The following STK32B variants were observed in gnomAD, a reference collection of about 807,000 sequenced individuals.
STK32B encodes the protein serine/threonine-protein kinase 32B.
STK32B carries 43 observed loss-of-function variants against 52.6 expected under a neutral mutation model. That is an observed-to-expected ratio of 0.82 (90% CI 0.64 to 1.05). The LOEUF (loss-of-function observed/expected upper bound fraction) is 1.05. STK32B is among the 50% of genes least tolerant of loss of function. The probability of loss-of-function intolerance (pLI) is 0.00; values close to 1 mark genes in which losing one functional copy is unlikely to be tolerated. For synonymous variants in STK32B, 238 were observed against 204.3 expected (o/e 1.17, Z -1.41); for missense variants, 621 against 534.6 (o/e 1.16, Z -1.59).
In STK32B at chr4:5,362,412, C is replaced by G. The variant is rs192184208; in HGVS notation, c.434+31019C>G. Among the ~76,000 whole-genome samples, 8 of 152,334 alleles carry G rather than the reference C, an allele frequency of 5.3e-5. No homozygotes were observed. The East Asian group carries it at 1.5e-3, about 29-fold the overall frequency. Reference sequence around the variant, plus strand: ...CCTCTCTGCCTCAATGCATCACCATCTCTCATTTGGGCTAATTGATGCGCC... The same window carrying G: ...CCTCTCTGCCTCAATGCATCACCATGTCTCATTTGGGCTAATTGATGCGCC... On this transcript the variant is annotated intron_variant, in intron 4 of 11. Transcript: ENST00000282908.
chr4:5,063,568 C>G (rs1473944938), intron 1 of STK32B, among the ~76,000 whole-genome samples: 1 of 152,124 alleles, frequency 6.6e-6, no homozygotes, highest in Non-Finnish European at 1.5e-5. Flanking sequence ...GTCTTGAACT[C>G]CTGACCTCAA....
chr4:5,441,019 G>A (rs1714688062), intron 6 of STK32B, among the ~76,000 whole-genome samples: 1 of 149,976 alleles, frequency 6.7e-6, no homozygotes, highest in Non-Finnish European at 1.5e-5. Flanking sequence ...GTATTTTATT[G>A]AGGATTTTTG....
chr4:5,239,761 AT>A lies in STK32B; in HGVS notation c.260+71323del, dbSNP rs200618799. On this transcript the variant is annotated intron_variant, in intron 3 of 11. Transcript: ENST00000282908. ...ATGGTTATACTAAATAAGAGTCAGA[AT>A]TTTTTTTTTTTCTGGAATGAATGAC... Among the ~76,000 whole-genome samples, 239 of 147,780 alleles carry A rather than the reference AT, an allele frequency of 1.6e-3. 1 individual carries two copies. Among genetic ancestry groups the A allele is most frequent in the Middle Eastern group, 0.01 (3 of 286 alleles).
rs543177700 is a variant in STK32B, at chr4:5,119,528, A to G, written c.53-20377A>G. Among the ~76,000 whole-genome samples, 5 of 152,342 alleles carry G rather than the reference A, an allele frequency of 3.3e-5. No individual in the cohort carries two copies. In the South Asian group the frequency reaches 1.0e-3, roughly 32 times the overall value. Reference sequence around the variant, plus strand: ...GAGAATTCCAGAAAGCTTTCATGTCATATTTTTTTCCTCTCAAATATTGTC... The same window carrying G: ...GAGAATTCCAGAAAGCTTTCATGTCGTATTTTTTTCCTCTCAAATATTGTC... On this transcript the variant is annotated intron_variant, in intron 1 of 11. Coordinates refer to ENST00000282908, the MANE Select transcript of STK32B (RefSeq NM_018401.3).
intron 3 of STK32B, among the ~76,000 whole-genome samples, chr4:5,206,219 T>C (rs1044046274): frequency 6.6e-6 from 1 of 152,202 alleles, no homozygotes; most frequent in Non-Finnish European, 1.5e-5. Context: ...TAGAAGCTAA[T>C]GAAAGTGATG....
intron 3 of STK32B, among the ~76,000 whole-genome samples, chr4:5,231,853 G>A (rs138315002): frequency 5.3e-5 from 8 of 152,222 alleles, no homozygotes; most frequent in Non-Finnish European, 7.4e-5. Flanking sequence ...GGACCACAGC[G>A]GGTATTTTTT....
intron 3 of STK32B, among the ~76,000 whole-genome samples, chr4:5,327,523 G>A (rs1458189494): frequency 6.6e-6 from 1 of 151,846 alleles, no homozygotes; most frequent in Non-Finnish European, 1.5e-5. Context: ...CTCCATCTGA[G>A]CTCTTGGGTG....
At chr4:5,085,934 C>T (rs554854924) in intron 1 of STK32B, among the ~76,000 whole-genome samples, 10 of 152,232 alleles carry the variant, frequency 6.6e-5, no homozygotes, top group Non-Finnish European at 1.0e-4. Context: ...GTTGGCTTTC[C>T]GGAAGAAGAC....
intron 3 of STK32B, among the ~76,000 whole-genome samples, chr4:5,200,457 CAGGG>C (rs1359042605): frequency 3.9e-5 from 6 of 152,110 alleles, no homozygotes; most frequent in Non-Finnish European, 8.8e-5. Flanking sequence ...TGTTGTTTGC[CAGGG>C]AGTCGTGGCT....
rs1337482797 is a variant in STK32B at position 5,317,399 on chromosome 4, T to TAC, written c.261-13820_261-13819insCA. 1.1e-4 allele frequency among the ~76,000 whole-genome samples: 9 copies of TAC among 85,220 alleles called. 2 individuals carry two copies. The highest frequency in any genetic ancestry group is 7.1e-4 in the African/African-American group (9 of 12,648). The allele number at this position is 85,220 out of a possible 152,430, so 55.9% of individuals were successfully genotyped here. A position where few individuals can be genotyped will look rare whatever the true frequency, so the allele number is the denominator to read the frequency against. ...ATATATATTACATATATATAATATA[T>TAC]ATAATGTATATGTATTATATATAAT... is the stretch of plus-strand genomic sequence containing the variant. On this transcript the variant is annotated intron_variant, in intron 3 of 11. Transcript: ENST00000282908.
rs74502303 is a variant in STK32B, at chr4:5,422,768, G to A, written c.562+5834G>A. On this transcript the variant is annotated intron_variant, in intron 6 of 11. Transcript: ENST00000282908. ...TACACAGGGCACAGTCAAGGAGGAC[G>A]ATGGTGTGGCTATTGGAAGGAGGTG... is the stretch of plus-strand genomic sequence containing the variant. 6.8e-4 allele frequency among the ~76,000 whole-genome samples: 104 copies of A among 152,268 alleles called. 1 individual carries two copies. In the East Asian group the frequency reaches 0.016, roughly 24 times the overall value.
At chr4:5,415,793 G>A (rs1027645943) in intron 5 of STK32B, among the ~76,000 whole-genome samples, 5 of 152,032 alleles carry the variant, frequency 3.3e-5, no homozygotes, top group Admixed American at 6.6e-5. Flanking sequence ...TGCTTTTTTT[G>A]TCCACTGTAG....
chr4:5,346,693 T>G (rs16837046), intron 4 of STK32B, among the ~76,000 whole-genome samples: 284 of 152,274 alleles, frequency 1.9e-3, no homozygotes, highest in African/African-American at 6.5e-3. Context: ...GCTACTCTAT[T>G]AACAAGGAGG....
At chr4:5,443,252 T>C (rs1356283821) in intron 6 of STK32B, among the ~76,000 whole-genome samples, 1 of 147,770 alleles carries the variant, frequency 6.8e-6, no homozygotes, top group African/African-American at 2.5e-5. Context: ...CAATCAGACG[T>C]AGATTTGGTC....
intron 3 of STK32B, among the ~76,000 whole-genome samples, chr4:5,316,974 TA>T (rs1730955032): frequency 2.7e-5 from 1 of 37,182 alleles, no homozygotes; most frequent in East Asian, 1.5e-3. Flanking sequence ...ATATAATATA[TA>T]TAATATATAA....
chr4:5,338,466 G>A (rs1293829604), intron 4 of STK32B, among the ~76,000 whole-genome samples: 1 of 152,196 alleles, frequency 6.6e-6, no homozygotes, highest in African/African-American at 2.4e-5. Flanking sequence ...GGTGCTGAAA[G>A]AGTTCTTTAC....
At chr4:5,210,206 T>C (rs1722826506) in intron 3 of STK32B, among the ~76,000 whole-genome samples, 3 of 152,112 alleles carry the variant, frequency 2.0e-5, no homozygotes, top group African/African-American at 7.2e-5. Flanking sequence ...CATGTCCTCT[T>C]CCCCTTGTCT....
At chr4:5,215,750 A>T (rs1386850230) in intron 3 of STK32B, among the ~76,000 whole-genome samples, 1 of 152,076 alleles carries the variant, frequency 6.6e-6, no homozygotes, top group Non-Finnish European at 1.5e-5. Context: ...AGCAGGCAAA[A>T]TTGTGGAATC....
intron 11 of STK32B, among the ~76,000 whole-genome samples, chr4:5,488,597 T>C (rs1433385521): frequency 6.6e-6 from 1 of 152,204 alleles, no homozygotes; most frequent in African/African-American, 2.4e-5. Context: ...GTGACTCACA[T>C]AGACCATGCA....
Sources: allele counts gnomAD v4.1 joint callset (sites outside exome capture counted in the v4.1 genomes callset), GRCh38; gene constraint gnomAD v4.1.1; transcripts MANE v1.5; gene names NCBI Gene and HGNC (gene_info 2026-07-23, HGNC 2026-07-21).